TRIM37: variants seen among roughly 807,000 people sequenced by gnomAD.
TRIM37 encodes the protein E3 ubiquitin-protein ligase TRIM37.
Under a neutral mutation model 129.8 loss-of-function variants are expected in TRIM37, and 80 were observed. The ratio of observed to expected loss-of-function variants is 0.62; its 90% CI spans 0.51 to 0.74. TRIM37 has a LOEUF of 0.74. Among genes scored for constraint, TRIM37 ranks in the 30% least tolerant of loss-of-function variants. TRIM37 has a pLI of 0.00. For missense variants in TRIM37, 1,054 were observed against 1,176.5 expected (o/e 0.90, Z 1.52); for synonymous variants, 389 against 387.1 (o/e 1.00, Z -0.06).
downstream of TRIM37, among the ~76,000 whole-genome samples, chr17:58,978,001 C>T (rs889080332): frequency 6.6e-6 from 1 of 152,214 alleles, no homozygotes; most frequent in African/African-American, 2.4e-5. Flanking sequence ...CTTGGCCTCC[C>T]AAAGTGCTGG....
chr17:59,046,998 C>CA (rs576834133), intron 16 of TRIM37, among the ~76,000 whole-genome samples: 21 of 151,344 alleles, frequency 1.4e-4, no homozygotes, highest in Non-Finnish European at 2.7e-4. Context: ...ACTAAAAATA[C>CA]AAAAAATTAG....
chr17:59,098,540 T>C (rs2045131780), intron 2 of TRIM37, among the ~76,000 whole-genome samples: 1 of 151,788 alleles, frequency 6.6e-6, no homozygotes, highest in South Asian at 2.1e-4. Flanking sequence ...TGGCACACAC[T>C]TGTGGTCCCA....
chr17:59,018,403 G>GTCCC (rs1436543753), intron 19 of TRIM37, among the ~76,000 whole-genome samples: 10 of 152,110 alleles, frequency 6.6e-5, no homozygotes, highest in African/African-American at 2.4e-4. Flanking sequence ...TAATAAACAG[G>GTCCC]TTTAGCATGG....
chr17:58,975,217 A>G, the TRIM37 span, among the ~76,000 whole-genome samples: 2 of 152,196 alleles, frequency 1.3e-5, no homozygotes, highest in Admixed American at 1.3e-4. Context: ...CCAAACACCT[A>G]TTTCTCCTGA....
chr17:58,968,782 G>A, the TRIM37 span, among the ~76,000 whole-genome samples: 1 of 152,210 alleles, frequency 6.6e-6, no homozygotes, highest in Non-Finnish European at 1.5e-5. Flanking sequence ...CTTATGATTA[G>A]GCTTTTGTCA....
At chr17:58,969,152 A>C in the TRIM37 span, among the ~76,000 whole-genome samples, 2 of 152,030 alleles carry the variant, frequency 1.3e-5, no homozygotes, top group Admixed American at 1.3e-4. Flanking sequence ...GAAAAAAATC[A>C]CTCAATCTGG....
the TRIM37 span, among the ~76,000 whole-genome samples, chr17:58,973,790 A>C: frequency 2.0e-5 from 3 of 151,962 alleles, no homozygotes; most frequent in Non-Finnish European, 4.4e-5. Flanking sequence ...GTCTCTACTA[A>C]AAATATAAAA....
At chr17:59,081,953 T>TA (rs762912390) in intron 5 of TRIM37, among the ~76,000 whole-genome samples, 5 of 113,344 alleles carry the variant, frequency 4.4e-5, no homozygotes, top group Non-Finnish European at 8.6e-5. Flanking sequence ...AAAAAAAAAA[T>TA]AAAAAAAAAA....
chr17:59,028,836 G>A, intron 18 of TRIM37, 113 bp from the exon 19 acceptor site: 1 of 1,063,798 alleles, frequency 9.4e-7, no homozygotes, highest in Admixed American at 2.0e-5. Context: ...GCTTTACGTG[G>A]TATCAACAAT....
intron 2 of TRIM37, among the ~76,000 whole-genome samples, chr17:59,097,092 A>G (rs928260734): frequency 6.6e-6 from 1 of 152,210 alleles, no homozygotes; most frequent in Non-Finnish European, 1.5e-5. Context: ...AAAATACTCA[A>G]TAGAAATAGA....
At chr17:59,100,840 T>C (rs752771233) in intron 2 of TRIM37, among the ~76,000 whole-genome samples, 3 of 152,066 alleles carry the variant, frequency 2.0e-5, no homozygotes, top group Non-Finnish European at 2.9e-5. Flanking sequence ...CTGACCAACA[T>C]GGTGAAACCC....
At chr17:59,004,584 C>CA (rs1405330889) in intron 22 of TRIM37, among the ~76,000 whole-genome samples, 1 of 151,938 alleles carries the variant, frequency 6.6e-6, no homozygotes, top group East Asian at 1.9e-4. Flanking sequence ...ACAAAATTTC[C>CA]AATATCAGGA....
At chr17:58,988,829 A>C (rs2032067862) in intron 24 of TRIM37, among the ~76,000 whole-genome samples, 1 of 152,212 alleles carries the variant, frequency 6.6e-6, no homozygotes, top group African/African-American at 2.4e-5. Flanking sequence ...AAGGATAATC[A>C]TAGCAAATCC....
At chr17:58,985,392 G>A (rs1213339981) in intron 24 of TRIM37, among the ~76,000 whole-genome samples, 1 of 152,198 alleles carries the variant, frequency 6.6e-6, no homozygotes, top group East Asian at 1.9e-4. Flanking sequence ...TTCATTAGCT[G>A]AACTGCGAGG....
At chr17:59,017,553 A>G (rs2036103934) in intron 19 of TRIM37, 129 bp from the exon 20 acceptor site, 1 of 1,258,254 alleles carries the variant, frequency 7.9e-7, no homozygotes. Flanking sequence ...AAAATAAACA[A>G]CATTCTGTAG....
At chr17:59,032,599 G>A (rs886232314) in intron 17 of TRIM37, among the ~76,000 whole-genome samples, 1 of 151,638 alleles carries the variant, frequency 6.6e-6, no homozygotes, top group Non-Finnish European at 1.5e-5. Context: ...TGATTGAGTG[G>A]TGGCCTCATT....
At chr17:59,049,809 A>C (rs1481802487) in intron 14 of TRIM37, among the ~76,000 whole-genome samples, 2 of 152,102 alleles carry the variant, frequency 1.3e-5, no homozygotes, top group African/African-American at 4.8e-5. Flanking sequence ...CATTTCTTAA[A>C]CCATTTCTCT....
chr17:58,971,651 G>A, the TRIM37 span, among the ~76,000 whole-genome samples: 2 of 152,140 alleles, frequency 1.3e-5, no homozygotes, highest in Non-Finnish European at 2.9e-5. Flanking sequence ...CATCTGTTGT[G>A]TACCAATCAG....
intron 3 of TRIM37, among the ~76,000 whole-genome samples, chr17:59,090,823 A>G (rs771148724): frequency 6.6e-6 from 1 of 152,076 alleles, no homozygotes; most frequent in Non-Finnish European, 1.5e-5. Flanking sequence ...ACAAGGTTTC[A>G]CTATGTTGGC....
Sources: gnomAD v4.1 joint callset for allele counts (sites outside exome capture counted in the v4.1 genomes callset) on GRCh38, gnomAD v4.1.1 for gene constraint, MANE v1.5 for transcripts, NCBI Gene and HGNC (gene_info 2026-07-23, HGNC 2026-07-21) for gene names.